Variants in SUGCT observed in about 807,000 individuals in gnomAD.
SUGCT encodes succinyl-CoA:glutarate-CoA transferase, also known as succinyl-CoA:glutarate CoA-transferase.
A neutral mutation model predicts 55.0 loss-of-function variants in SUGCT; 41 were observed. That is an observed-to-expected ratio of 0.74 (90% CI 0.58 to 0.97). The LOEUF (loss-of-function observed/expected upper bound fraction) is 0.97, where lower values mean the gene tolerates loss of function less well. SUGCT is among the 50% of genes least tolerant of loss of function. The pLI is 0.00. For missense variants in SUGCT, 568 were observed against 547.8 expected, an observed-to-expected ratio of 1.04 and a Z score of -0.37; for synonymous variants, 187 against 200.4, an observed-to-expected ratio of 0.93 and a Z score of 0.56.
chr7:40,204,736 C>T (rs992705191), intron 6 of SUGCT, among the ~76,000 whole-genome samples: 6 of 150,242 alleles, frequency 4.0e-5, no homozygotes, highest in African/African-American at 9.8e-5. Context: ...GACCAGCCGG[C>T]GTGACATAGT....
At chr7:40,529,362 A>G (rs1793966789) in intron 12 of SUGCT, among the ~76,000 whole-genome samples, 1 of 152,106 alleles carries the variant, frequency 6.6e-6, no homozygotes, top group Non-Finnish European at 1.5e-5. Flanking sequence ...CTTCCTCTCC[A>G]CCTCCTCTCC....
intron 12 of SUGCT, among the ~76,000 whole-genome samples, chr7:40,641,309 G>T (rs1312975133): frequency 2.6e-5 from 4 of 152,110 alleles, no homozygotes; most frequent in Non-Finnish European, 5.9e-5. Context: ...AAAGTAAAGG[G>T]CAGAGACATT....
At chr7:40,646,716 A>T (rs565602144) in intron 12 of SUGCT, among the ~76,000 whole-genome samples, 1 of 152,204 alleles carries the variant, frequency 6.6e-6, no homozygotes, top group South Asian at 2.1e-4. Flanking sequence ...CCAACTACCC[A>T]ATCTAACCAG....
chr7:40,445,392 A>G (rs1788766862), intron 9 of SUGCT, among the ~76,000 whole-genome samples: 1 of 152,204 alleles, frequency 6.6e-6, no homozygotes, highest in Admixed American at 6.5e-5. Flanking sequence ...AAACTAGAAA[A>G]TCTAGTAGAA....
rs564981905 is a variant in SUGCT, at chr7:40,739,140, A to G, written c.1090-10294A>G. ...ACTTCTTGCAAAACTATACCACAATATCACATTGAGGGCATTGACATTGAT... is the reference window on the plus strand; with the variant it reads ...ACTTCTTGCAAAACTATACCACAATGTCACATTGAGGGCATTGACATTGAT... On this transcript the variant is annotated intron_variant, in intron 12 of 13. Transcript: ENST00000335693. Among the ~76,000 whole-genome samples, 3 of 152,244 alleles carry G rather than the reference A, an allele frequency of 2.0e-5. No homozygotes were observed. The South Asian group carries it at 6.2e-4, about 32-fold the overall frequency.
At chr7:40,823,131 T>G (rs1792114820) in intron 13 of SUGCT, among the ~76,000 whole-genome samples, 1 of 152,198 alleles carries the variant, frequency 6.6e-6, no homozygotes, top group South Asian at 2.1e-4. Context: ...TTGCTGCCAT[T>G]GTATCATCTT....
At chr7:40,452,360 A>G (rs1390445944) in intron 10 of SUGCT, among the ~76,000 whole-genome samples, 1 of 152,202 alleles carries the variant, frequency 6.6e-6, no homozygotes, top group Non-Finnish European at 1.5e-5. Flanking sequence ...AAAGTAATGT[A>G]GACTGAAGGC....
At chr7:40,728,984 A>G (rs1169435672) in intron 12 of SUGCT, among the ~76,000 whole-genome samples, 1 of 152,234 alleles carries the variant, frequency 6.6e-6, no homozygotes, top group African/African-American at 2.4e-5. Context: ...TCCTATTTAC[A>G]GATAATTAAA....
At chr7:40,940,233 A>G in the SUGCT span, among the ~76,000 whole-genome samples, 1 of 152,142 alleles carries the variant, frequency 6.6e-6, no homozygotes, top group East Asian at 1.9e-4. Context: ...CCATTAGTCT[A>G]TATATCTACT....
At chr7:40,973,545 C>T in the SUGCT span, among the ~76,000 whole-genome samples, 3 of 152,118 alleles carry the variant, frequency 2.0e-5, no homozygotes, top group Admixed American at 1.3e-4. Context: ...GTTAAAAGCA[C>T]GTCTGAACTA....
intron 13 of SUGCT, among the ~76,000 whole-genome samples, chr7:40,817,246 TTA>T: frequency 6.6e-6 from 1 of 152,318 alleles, no homozygotes; most frequent in East Asian, 1.9e-4. Flanking sequence ...CATGGGGAAC[TTA>T]CATTTTTGGA....
chr7:40,404,030 G>C (rs1786228137), intron 9 of SUGCT, among the ~76,000 whole-genome samples: 1 of 152,180 alleles, frequency 6.6e-6, no homozygotes, highest in South Asian at 2.1e-4. Context: ...AAGGAGATAA[G>C]GAAGGGATCA....
chr7:40,317,830 G>T (rs1795522557), intron 9 of SUGCT, among the ~76,000 whole-genome samples: 1 of 152,036 alleles, frequency 6.6e-6, no homozygotes, highest in Admixed American at 6.6e-5. Context: ...TATGAACCTG[G>T]GATTCTTCCC....
intron 1 of SUGCT, among the ~76,000 whole-genome samples, chr7:40,163,187 G>A (rs1174441460): frequency 6.6e-6 from 1 of 152,204 alleles, no homozygotes; most frequent in Non-Finnish European, 1.5e-5. Flanking sequence ...GGAAAATGTG[G>A]AAGAGCAGTG....
intron 11 of SUGCT, among the ~76,000 whole-genome samples, chr7:40,484,429 C>T (rs1215680098): frequency 1.1e-4 from 16 of 152,178 alleles, no homozygotes; most frequent in Non-Finnish European, 2.9e-5. Context: ...AGGCAACACT[C>T]CCAGTGCTCC....
At chr7:40,667,970 A>G (rs1291906698) in intron 12 of SUGCT, among the ~76,000 whole-genome samples, 1 of 152,176 alleles carries the variant, frequency 6.6e-6, no homozygotes, top group Non-Finnish European at 1.5e-5. Context: ...TTATAAGGAT[A>G]TTATATTTGA....
At chr7:40,845,936 T>A (rs1793533081) in intron 13 of SUGCT, among the ~76,000 whole-genome samples, 1 of 152,186 alleles carries the variant, frequency 6.6e-6, no homozygotes, top group Admixed American at 6.5e-5. Context: ...ATCATCAAGT[T>A]TACAGAAAAA....
chr7:40,492,354 C>T (rs1300653373), intron 11 of SUGCT, among the ~76,000 whole-genome samples: 1 of 152,046 alleles, frequency 6.6e-6, no homozygotes, highest in Non-Finnish European at 1.5e-5. Context: ...ATTTTGGATG[C>T]ATCAGAGGCA....
chr7:40,316,658 A>T (rs553848353), intron 8 of SUGCT, 102 bp from the exon 9 acceptor site: 1 of 713,544 alleles, frequency 1.4e-6, no homozygotes, highest in Admixed American at 3.1e-5. Flanking sequence ...TTTTTCTTCT[A>T]CAATGAGATG....
Sources: gnomAD v4.1 joint callset for allele counts (sites outside exome capture counted in the v4.1 genomes callset) on GRCh38, gnomAD v4.1.1 for gene constraint, MANE v1.5 for transcripts, NCBI Gene and HGNC (gene_info 2026-07-23, HGNC 2026-07-21) for gene names.